The following PTPN3 variants were observed in gnomAD, a reference collection of about 807,000 sequenced individuals.
PTPN3 encodes the protein tyrosine-protein phosphatase non-receptor type 3.
Under a neutral mutation model 132.7 loss-of-function variants are expected in PTPN3, and 96 were observed. The observed-to-expected ratio is 0.72, with a 90% CI of 0.61 to 0.86. The LOEUF (loss-of-function observed/expected upper bound fraction) is 0.86. PTPN3 is among the 40% of genes least tolerant of loss of function. PTPN3 has a pLI of 0.00. For synonymous variants in PTPN3, 398 were observed against 429.0 expected, an observed-to-expected ratio of 0.93 and a Z score of 0.89; for missense variants, 1,125 against 1,159.6, an observed-to-expected ratio of 0.97 and a Z score of 0.43.
At chr9:109,492,663 C>T (rs1303669572) in intron 1 of PTPN3, among the ~76,000 whole-genome samples, 2 of 152,228 alleles carry the variant, frequency 1.3e-5, no homozygotes, top group Non-Finnish European at 2.9e-5. Context: ...TAATGCCCAA[C>T]TAAATCAGAG....
chr9:109,423,863 T>G (rs1466620182), intron 12 of PTPN3, among the ~76,000 whole-genome samples: 1 of 152,170 alleles, frequency 6.6e-6, no homozygotes, highest in African/African-American at 2.4e-5. Context: ...CCTTGTGACA[T>G]GACATCAACC....
intron 1 of PTPN3, among the ~76,000 whole-genome samples, chr9:109,497,743 A>G (rs1244447346): frequency 6.6e-6 from 1 of 152,070 alleles, no homozygotes. Context: ...AGGAAATGCC[A>G]TCTTTGAAAG....
intron 1 of PTPN3, among the ~76,000 whole-genome samples, chr9:109,487,268 G>T (rs573708888): frequency 1.6e-4 from 24 of 152,352 alleles, no homozygotes; most frequent in Admixed American, 7.2e-4. Flanking sequence ...GACCAAATGG[G>T]CTGAGATATG....
At chr9:109,454,678 C>A in intron 4 of PTPN3, 104 bp from the exon 5 acceptor site, 1 of 840,166 alleles carries the variant, frequency 1.2e-6, no homozygotes. Flanking sequence ...TCAACCATAG[C>A]TTTTTCCATT....
At chr9:109,466,202 T>C (rs1184564905) in intron 1 of PTPN3, among the ~76,000 whole-genome samples, 1 of 152,140 alleles carries the variant, frequency 6.6e-6, no homozygotes, top group Non-Finnish European at 1.5e-5. Context: ...TCCGAATGAA[T>C]GGAAGGAAGA....
chr9:109,498,885 C>T (rs976518014), upstream of PTPN3, among the ~76,000 whole-genome samples: 2 of 152,174 alleles, frequency 1.3e-5, no homozygotes, highest in East Asian at 3.9e-4. The surrounding 1 kb of genome is among the most constrained non-coding windows in gnomAD (Gnocchi z 4.2). Flanking sequence ...CTCTGTGGGA[C>T]GTTCTTGCCC....
At chr9:109,517,027 T>C in the PTPN3 span, among the ~76,000 whole-genome samples, 5 of 152,270 alleles carry the variant, frequency 3.3e-5, no homozygotes, top group South Asian at 1.0e-3. Context: ...TACTCAGAAC[T>C]CAGGAGACAT....
intron 25 of PTPN3, 141 bp downstream of exon 25, chr9:109,381,511 C>T: frequency 8.0e-7 from 1 of 1,255,026 alleles, no homozygotes; most frequent in Middle Eastern, 2.8e-4. Flanking sequence ...GCTGTAGCCA[C>T]TGACAAGCTC....
intron 14 of PTPN3, among the ~76,000 whole-genome samples, chr9:109,410,820 C>T (rs537093557): frequency 1.1e-4 from 17 of 152,288 alleles, no homozygotes; most frequent in Admixed American, 3.3e-4. Flanking sequence ...CTCACTTCTG[C>T]GGATGGTTCT....
intron 19 of PTPN3, among the ~76,000 whole-genome samples, chr9:109,396,654 A>AT (rs1178671810): frequency 1.3e-5 from 2 of 152,200 alleles, no homozygotes; most frequent in East Asian, 3.8e-4. Context: ...CTAACGGTAA[A>AT]TTATAAAAAG....
At position 109,428,678 on chromosome 9, in the gene PTPN3, G is replaced by A; in HGVS notation, c.771C>T (p.Asn257=). 1 of 1,612,992 alleles carries A rather than the reference G, an allele frequency of 6.2e-7. No homozygotes were observed. The highest frequency in any genetic ancestry group is 8.5e-7 in the Non-Finnish European group (1 of 1,179,684). The change falls in exon 11 of 26, where the codon AAC becomes AAT. Residue 257 remains asparagine (N), a synonymous_variant. Coordinates refer to ENST00000374541, the MANE Select transcript of PTPN3 (RefSeq NM_002829.4). ...TCCTTTTGAAAGAAATTTTGAGAAT[G>A]TTCACCCTTCAAAAAATAAAACAAA... ...YICTSFYPWV[N]ILKISFKRKK...
intron 19 of PTPN3, among the ~76,000 whole-genome samples, chr9:109,399,956 T>TG (rs1394947842): frequency 1.3e-5 from 2 of 151,646 alleles, no homozygotes; most frequent in African/African-American, 4.8e-5. Context: ...TTTTTTTTTT[T>TG]TTTAGCTGTT....
intron 10 of PTPN3, among the ~76,000 whole-genome samples, chr9:109,430,249 G>C (rs771578870): frequency 3.9e-5 from 6 of 152,190 alleles, no homozygotes; most frequent in Non-Finnish European, 8.8e-5. Context: ...GAACGAGTCA[G>C]GAGAATCAAC....
chr9:109,480,599 T>C (rs561469972), intron 1 of PTPN3, among the ~76,000 whole-genome samples: 24 of 152,400 alleles, frequency 1.6e-4, no homozygotes, highest in African/African-American at 5.5e-4. Flanking sequence ...CAAGAATTCA[T>C]TGCCAAATTC....
chr9:109,436,140 A>T (rs2131924614), intron 9 of PTPN3, among the ~76,000 whole-genome samples: 1 of 152,326 alleles, frequency 6.6e-6, no homozygotes, highest in South Asian at 2.1e-4. Flanking sequence ...TAGGTGCTCA[A>T]TTAATTTTTG....
intron 14 of PTPN3, among the ~76,000 whole-genome samples, chr9:109,410,887 A>G (rs1842025768): frequency 6.6e-6 from 1 of 152,208 alleles, no homozygotes; most frequent in African/African-American, 2.4e-5. Context: ...TTGTGCGTTC[A>G]GGAGAATTTA....
intron 7 of PTPN3, among the ~76,000 whole-genome samples, chr9:109,444,498 T>C (rs1390813520): frequency 6.6e-6 from 1 of 152,150 alleles, no homozygotes; most frequent in Non-Finnish European, 1.5e-5. Context: ...AGATGTACCG[T>C]CAGTGTAAAA....
chr9:109,407,261 C>T (rs1329759606), intron 17 of PTPN3, among the ~76,000 whole-genome samples: 1 of 152,138 alleles, frequency 6.6e-6, no homozygotes, highest in Non-Finnish European at 1.5e-5. Flanking sequence ...GTGGGACACA[C>T]CTGTGGTCTC....
chr9:109,448,444 A>T (rs1187051441), intron 6 of PTPN3, among the ~76,000 whole-genome samples: 1 of 152,206 alleles, frequency 6.6e-6, no homozygotes, highest in Non-Finnish European at 1.5e-5. Context: ...AAAATGAGTC[A>T]TCCGTGGGTA....
Sources: allele counts gnomAD v4.1 joint callset (sites outside exome capture counted in the v4.1 genomes callset), GRCh38; gene constraint gnomAD v4.1.1; non-coding constraint Gnocchi (gnomAD v3.1); transcripts MANE v1.5; gene names NCBI Gene and HGNC (gene_info 2026-07-23, HGNC 2026-07-21).